The following MYOM3 variants were observed in gnomAD, a reference collection of about 807,000 sequenced individuals.
MYOM3 encodes myomesin 3, also known as myomesin-3.
MYOM3 carries 155 observed loss-of-function variants against 191.7 expected under a neutral mutation model. The ratio of observed to expected loss-of-function variants is 0.81; its 90% confidence interval spans 0.71 to 0.92. The LOEUF is 0.92. MYOM3 is among the 40% of genes least tolerant of loss of function. The pLI is 0.00. For synonymous variants in MYOM3, 757 were observed against 762.9 expected, an observed-to-expected ratio of 0.99 and a Z score of 0.13; for missense variants, 1,889 against 1,890.6, an observed-to-expected ratio of 1.00 and a Z score of 0.02.
intron 35 of MYOM3, among the ~76,000 whole-genome samples, chr1:24,060,844 C>G (rs987945956): frequency 2.6e-5 from 4 of 152,324 alleles, no homozygotes; most frequent in South Asian, 2.1e-4. Context: ...CCTGCGAGAA[C>G]CAGGCTCGCG....
At chr1:24,110,755 G>T (rs1317804517) in intron 1 of MYOM3, among the ~76,000 whole-genome samples, 1 of 152,140 alleles carries the variant, frequency 6.6e-6, no homozygotes, top group Non-Finnish European at 1.5e-5. Flanking sequence ...ACTCCCTCCC[G>T]ATGGAAGAAG....
At chr1:24,097,828 G>T in intron 7 of MYOM3, 95 bp downstream of exon 7, 1 of 865,416 alleles carries the variant, frequency 1.2e-6, no homozygotes, top group Non-Finnish European at 2.0e-6. Context: ...TTGTGCCTAT[G>T]GCCCTTCCTC....
Position 24,063,055 on chromosome 1 carries a change from G to T in MYOM3, c.3770+71C>A. 2.0e-6 allele frequency: 2 copies of T among 1,001,008 alleles called. No individual in the cohort carries two copies. The highest frequency in any genetic ancestry group is 3.2e-6 in the Non-Finnish European group (2 of 629,828). 62.0% of individuals were successfully genotyped at this position (1,001,008 alleles called of 1,614,324 possible). On this transcript the variant is annotated intron_variant, in intron 32 of 36. Transcript: ENST00000374434. This position sits in a 1 kb window ranked among gnomAD's most constrained non-coding sequence, Gnocchi z 4.5. ...TGGAGGACCAGGCAGGGAGAAGGGAGGGAGGCCCCCATGGGTCAGGTGCTG... is the reference window on the plus strand; with the variant it reads ...TGGAGGACCAGGCAGGGAGAAGGGATGGAGGCCCCCATGGGTCAGGTGCTG...
At position 24,107,211 on chromosome 1, in the gene MYOM3, C is replaced by A; in HGVS notation, c.264G>T (p.Gln88His). The A allele has an allele frequency of 1.2e-6, 2 of 1,603,256 alleles. No homozygotes were observed. The highest frequency in any genetic ancestry group is 1.7e-5 in the Admixed American group (1 of 58,866). ...GCTCCTCCAGCTCCACGGCAGAGGT[C>A]TGGCGTCTCAGCTGGGCTTCCCTGC... ...ELSWEAQLRR[Q>H]TSAVELEERG... Residue 88 changes from glutamine to histidine, a missense_variant, in exon 4 of 37, where the codon CAG (glutamine) becomes CAT (histidine). Coordinates refer to ENST00000374434, the MANE Select transcript of MYOM3 (RefSeq NM_152372.4).
rs1356591393 is a variant in MYOM3 at position 24,063,803 on chromosome 1, C to T, written c.3622+269G>A. On this transcript the variant is annotated intron_variant, in intron 30 of 36. Transcript: ENST00000374434. The surrounding 1 kb of genome is among the most constrained non-coding windows in gnomAD (Gnocchi z 4.5). ...TGATCAGCCTGATGAGGAGCCTGGG[C>T]CCACTGTGGGACGGAGGAGTGAACT... 1.3e-5 allele frequency among the ~76,000 whole-genome samples: 2 copies of T among 152,082 alleles called. No homozygotes were observed. The highest frequency in any genetic ancestry group is 4.8e-5 in the African/African-American group (2 of 41,386).
intron 14 of MYOM3, among the ~76,000 whole-genome samples, 185 bp downstream of exon 14, chr1:24,089,353 C>G (rs771197673): frequency 6.6e-6 from 1 of 152,222 alleles, no homozygotes; most frequent in Non-Finnish European, 1.5e-5. Flanking sequence ...GCTTCCAGGG[C>G]TAGAGGTAGC....
chr1:24,062,406 C>A (rs904546752), intron 32 of MYOM3, among the ~76,000 whole-genome samples: 1 of 152,200 alleles, frequency 6.6e-6, no homozygotes, highest in African/African-American at 2.4e-5. Flanking sequence ...CAGAAACTCG[C>A]TGGGGGAGGA....
In MYOM3 at chr1:24,064,113, T is replaced by C. The variant is rs761113485; in HGVS notation, c.3581A>G (p.Asp1194Gly). The C allele has an allele frequency of 1.9e-6, 3 of 1,614,078 alleles. No homozygotes were observed. ...KGIYRAMVSDDRGEDDTILDL... is the reference protein window; with the variant it reads ...KGIYRAMVSDGRGEDDTILDL... ...CAATATGGTGTCGTCCTCCCCTCGA[T>C]CGTCAGAAACCATCGCTCTGTAAAT... Residue 1194 changes from aspartate to glycine, a missense_variant, in exon 30 of 37, where the codon GAT becomes GGT. Physicochemically the swap from Asp to Gly is moderately conservative, Grantham distance 94 (BLOSUM62 -1). Coordinates refer to ENST00000374434, the MANE Select transcript of MYOM3 (RefSeq NM_152372.4).
At chr1:24,082,868 T>G in intron 16 of MYOM3, 154 bp from the exon 17 acceptor site, 3 of 852,494 alleles carry the variant, frequency 3.5e-6, no homozygotes, top group African/African-American at 1.8e-5. Context: ...CTTGATCCCA[T>G]GGCAATGCCT....
chr1:24,086,251 G>A (rs1643737037), intron 15 of MYOM3, among the ~76,000 whole-genome samples: 1 of 152,102 alleles, frequency 6.6e-6, no homozygotes, highest in Non-Finnish European at 1.5e-5. Context: ...GTAAGCCAGG[G>A]CTCAGGTGGG....
At chr1:24,100,614 C>G (rs1024509751) in intron 5 of MYOM3, among the ~76,000 whole-genome samples, 3 of 152,210 alleles carry the variant, frequency 2.0e-5, no homozygotes, top group African/African-American at 4.8e-5. Flanking sequence ...AGGCCGGGCA[C>G]GGTGGCTCAC....
chr1:24,095,412 C>G (rs1014321598), intron 8 of MYOM3, 30 bp downstream of exon 8: 1 of 1,603,194 alleles, frequency 6.2e-7, no homozygotes, highest in African/African-American at 1.3e-5. Flanking sequence ...ACAAAGAATC[C>G]CAGGTCCCGT....
intron 9 of MYOM3, 89 bp from the exon 10 acceptor site, chr1:24,093,197 G>C (rs1643861853): frequency 1.2e-6 from 1 of 824,042 alleles, no homozygotes; most frequent in South Asian, 1.5e-5. Flanking sequence ...TGGAGACCCT[G>C]GCTGGGCAGA....
In MYOM3 at chr1:24,087,038, A is replaced by G. The variant is rs1202407274; in HGVS notation, c.1615-211T>C. 6.6e-6 allele frequency among the ~76,000 whole-genome samples: 1 copy of G among 151,828 alleles called. No homozygotes were observed. The highest frequency in any genetic ancestry group is 1.9e-4 in the East Asian group (1 of 5,138). On this transcript the variant is annotated intron_variant, in intron 14 of 36. Coordinates refer to ENST00000374434, the MANE Select transcript of MYOM3 (RefSeq NM_152372.4). The surrounding 1 kb of genome is among the most constrained non-coding windows in gnomAD (Gnocchi z 4.5). Reference sequence around the variant, plus strand: ...AGACCTCACGTCCAGCCTGTCCACAACGCGGCTCCAGAGCTTCCCACACCT... The same window carrying G: ...AGACCTCACGTCCAGCCTGTCCACAGCGCGGCTCCAGAGCTTCCCACACCT...
intron 2 of MYOM3, 101 bp downstream of exon 2, chr1:24,108,375 C>G (rs1035065601): frequency 4.8e-6 from 6 of 1,258,644 alleles, no homozygotes; most frequent in Non-Finnish European, 1.1e-6. Flanking sequence ...TCCCTCCCCC[C>G]ATCAGGTTGG....
At position 24,087,515 on chromosome 1, in the gene MYOM3, C is replaced by T. The variant is rs1463630521; in HGVS notation, c.1615-688G>A. ...TGCCCTTAGTCTCTGTGCCTCTCTG[C>T]TGTTTCCTGAGGGTCCAAGTCCCAC... On this transcript the variant is annotated intron_variant, in intron 14 of 36. Transcript: ENST00000374434. The surrounding 1 kb of genome is among the most constrained non-coding windows in gnomAD (Gnocchi z 4.5). 1.3e-5 allele frequency among the ~76,000 whole-genome samples: 2 copies of T among 152,200 alleles called. No individual in the cohort carries two copies. Among genetic ancestry groups the T allele is most frequent in the African/African-American group, 2.4e-5 (1 of 41,438 alleles).
At chr1:24,090,535 T>C (rs1643804476) in intron 12 of MYOM3, among the ~76,000 whole-genome samples, 1 of 152,130 alleles carries the variant, frequency 6.6e-6, no homozygotes, top group Admixed American at 6.5e-5. Flanking sequence ...ATGGACAGGT[T>C]TGGTTTCTCC....
At chr1:24,067,818 T>C (rs1643472133) in intron 27 of MYOM3, 152 bp downstream of exon 27, 2 of 783,122 alleles carry the variant, frequency 2.6e-6, no homozygotes, top group Non-Finnish European at 2.2e-6. Context: ...GCAAGAGCTA[T>C]TTTGATCTGG....
chr1:24,075,178 G>A (rs1431155499), intron 22 of MYOM3, 141 bp downstream of exon 22: 11 of 747,556 alleles, frequency 1.5e-5, no homozygotes, highest in Non-Finnish European at 2.5e-5. Flanking sequence ...GGCAGTCAGC[G>A]TCCTCAGTGA....
Sources: gnomAD v4.1 joint callset for allele counts (sites outside exome capture counted in the v4.1 genomes callset) on GRCh38, gnomAD v4.1.1 for gene constraint, Gnocchi (gnomAD v3.1) non-coding constraint, MANE v1.5 for transcripts, NCBI Gene and HGNC (gene_info 2026-07-23, HGNC 2026-07-21) for gene names.